Variants in TAFA1 observed in about 807,000 individuals in gnomAD.
TAFA1 encodes chemokine-like protein TAFA-1.
Under a neutral mutation model 18.5 loss-of-function variants are expected in TAFA1, and 4 were observed. The observed-to-expected ratio is 0.22, with a 90% CI of 0.11 to 0.49. The LOEUF (loss-of-function observed/expected upper bound fraction) is 0.49, where lower values mean the gene tolerates loss of function less well. Among genes scored for constraint, TAFA1 ranks in the 20% least tolerant of loss-of-function variants. The pLI is 0.98. For synonymous variants in TAFA1, 56 were observed against 55.2 expected (o/e 1.01, Z -0.06); for missense variants, 147 against 169.0 (o/e 0.87, Z 0.72).
intron 2 of TAFA1, among the ~76,000 whole-genome samples, chr3:68,215,752 G>A (rs903482508): frequency 2.0e-5 from 3 of 152,076 alleles, no homozygotes; most frequent in Non-Finnish European, 4.4e-5. Context: ...CAGTTCGGCA[G>A]TTTCTTACAA....
At chr3:68,356,347 G>A (rs937720109) in intron 2 of TAFA1, among the ~76,000 whole-genome samples, 1 of 151,830 alleles carries the variant, frequency 6.6e-6, no homozygotes, top group Non-Finnish European at 1.5e-5. Flanking sequence ...GTGGTTGTGA[G>A]TATAAAGGGA....
intron 3 of TAFA1, among the ~76,000 whole-genome samples, chr3:68,478,993 G>A (rs1208592072): frequency 6.7e-6 from 1 of 150,000 alleles, no homozygotes; most frequent in Non-Finnish European, 1.5e-5. Flanking sequence ...AGCACTTTAG[G>A]AGGCCGAGGC....
chr3:68,438,119 G>A (rs1294399756), intron 3 of TAFA1, among the ~76,000 whole-genome samples: 1 of 152,140 alleles, frequency 6.6e-6, no homozygotes, highest in African/African-American at 2.4e-5. Flanking sequence ...AGCACTTTGG[G>A]AGATGGAGCT....
chr3:68,140,038 T>A (rs1335420099), intron 2 of TAFA1, among the ~76,000 whole-genome samples: 2 of 152,208 alleles, frequency 1.3e-5, no homozygotes, highest in Non-Finnish European at 2.9e-5. Context: ...GTCACCCAAG[T>A]TGGCTTTCCT....
chr3:68,067,459 G>T (rs1022694581), intron 2 of TAFA1, among the ~76,000 whole-genome samples: 2 of 152,140 alleles, frequency 1.3e-5, no homozygotes, highest in African/African-American at 4.8e-5. Flanking sequence ...AGGAGTGGAG[G>T]CTCCATGAGA....
chr3:68,085,994 A>G (rs1445251299), intron 2 of TAFA1, among the ~76,000 whole-genome samples: 4 of 152,240 alleles, frequency 2.6e-5, no homozygotes, highest in African/African-American at 9.6e-5. Context: ...TAGAAAATCA[A>G]CATCTGATGC....
At chr3:68,294,737 C>T (rs944017695) in intron 2 of TAFA1, among the ~76,000 whole-genome samples, 6 of 151,952 alleles carry the variant, frequency 3.9e-5, no homozygotes, top group African/African-American at 1.5e-4. Flanking sequence ...ATTAGCTGGG[C>T]ATGGTGGCAC....
chr3:68,154,890 T>C (rs1054523092), intron 2 of TAFA1, among the ~76,000 whole-genome samples: 5 of 152,160 alleles, frequency 3.3e-5, no homozygotes, highest in African/African-American at 1.2e-4. Flanking sequence ...TTGGCTACCA[T>C]TCTGCAATGA....
At chr3:68,375,019 A>C (rs370545316) in intron 2 of TAFA1, among the ~76,000 whole-genome samples, 2 of 152,160 alleles carry the variant, frequency 1.3e-5, no homozygotes, top group East Asian at 1.9e-4. Flanking sequence ...CACATTTCAG[A>C]ATAATGCTGT....
At chr3:68,358,579 C>T (rs1308743832) in intron 2 of TAFA1, among the ~76,000 whole-genome samples, 1 of 151,890 alleles carries the variant, frequency 6.6e-6, no homozygotes, top group Non-Finnish European at 1.5e-5. Flanking sequence ...TTGCATGCCT[C>T]ATTATCCCCA....
intron 2 of TAFA1, among the ~76,000 whole-genome samples, chr3:68,088,972 C>T (rs1223524104): frequency 6.6e-6 from 1 of 152,112 alleles, no homozygotes. Flanking sequence ...TTCAATATAA[C>T]TCTACGGTTT....
intron 2 of TAFA1, among the ~76,000 whole-genome samples, chr3:68,231,073 AT>A (rs924420571): frequency 1.3e-5 from 2 of 152,152 alleles, no homozygotes; most frequent in African/African-American, 2.4e-5. Context: ...ATATGTTTAC[AT>A]TTTTTGTTTA....
chr3:68,131,926 A>T (rs905064075), intron 2 of TAFA1, among the ~76,000 whole-genome samples: 10 of 151,740 alleles, frequency 6.6e-5, no homozygotes, highest in African/African-American at 1.9e-4. Flanking sequence ...GGATACATGT[A>T]CATGCAGGTT....
At chr3:67,995,836 C>T in the TAFA1 span, among the ~76,000 whole-genome samples, 1 of 152,198 alleles carries the variant, frequency 6.6e-6, no homozygotes, top group East Asian at 1.9e-4. Context: ...AAATTCTTCC[C>T]AGCCTCCTCC....
intron 2 of TAFA1, among the ~76,000 whole-genome samples, chr3:68,339,253 A>C (rs899590615): frequency 6.6e-6 from 1 of 152,210 alleles, no homozygotes; most frequent in Admixed American, 6.5e-5. Flanking sequence ...GTGGCATTAA[A>C]AGAACTGAAT....
At chr3:68,356,379 A>G (rs949239708) in intron 2 of TAFA1, among the ~76,000 whole-genome samples, 1 of 151,908 alleles carries the variant, frequency 6.6e-6, no homozygotes, top group Admixed American at 6.6e-5. Context: ...CTCAGCAGGT[A>G]GCACAAGGCA....
At position 68,469,258 on chromosome 3, in the gene TAFA1, A is replaced by G. The variant is rs1241527877; in HGVS notation, c.259+51838A>G. 2.0e-5 allele frequency among the ~76,000 whole-genome samples: 3 copies of G among 152,142 alleles called. No individual in the cohort carries two copies. The East Asian group carries it at 5.8e-4, about 29-fold the overall frequency. On this transcript the variant is annotated intron_variant, in intron 3 of 4. Coordinates refer to ENST00000478136, the MANE Select transcript of TAFA1 (RefSeq NM_213609.4). ...GTAGTATAGGTTATTGAAAGAAGAA[A>G]TTTGACAAGGAGCACTCAGGAGACA...
chr3:68,231,233 A>G (rs558089321), intron 2 of TAFA1, among the ~76,000 whole-genome samples: 21 of 152,300 alleles, frequency 1.4e-4, no homozygotes, highest in African/African-American at 4.1e-4. Context: ...AAAAAGGTAG[A>G]AAATTGAACA....
chr3:68,082,392 A>G (rs1416116551), intron 2 of TAFA1, among the ~76,000 whole-genome samples: 1 of 152,200 alleles, frequency 6.6e-6, no homozygotes. Context: ...GAAGCAATTT[A>G]TAGAAACCTT....
Sources: allele counts gnomAD v4.1 joint callset (sites outside exome capture counted in the v4.1 genomes callset), GRCh38; gene constraint gnomAD v4.1.1; transcripts MANE v1.5; gene names NCBI Gene and HGNC (gene_info 2026-07-23, HGNC 2026-07-21).